CRACD: variants seen among roughly 807,000 people sequenced by gnomAD.
The protein encoded by CRACD is capping protein-inhibiting regulator of actin dynamics.
A neutral mutation model predicts 106.8 loss-of-function variants in CRACD; 56 were observed. That is an observed-to-expected ratio of 0.52 (90% CI 0.42 to 0.66). The LOEUF is 0.66. Among genes scored for constraint, CRACD ranks in the 30% least tolerant of loss-of-function variants. CRACD has a pLI of 0.00. For synonymous variants in CRACD, 754 were observed against 670.8 expected, an observed-to-expected ratio of 1.12 and a Z score of -1.92; for missense variants, 1,730 against 1,623.2, an observed-to-expected ratio of 1.07 and a Z score of -1.13.
In CRACD at chr4:56,319,795, C is replaced by G. The variant is rs1004934299; in HGVS notation, c.3187+3106C>G. On this transcript the variant is annotated intron_variant, in intron 8 of 10. Coordinates refer to ENST00000682029, the MANE Select transcript of CRACD (RefSeq NM_001393381.1). ...TTGCCAAGGCTGGGGCCAGTGAGGA[C>G]AAATATGTAGACTTGTAGGGTGTTG... Among the ~76,000 whole-genome samples the G allele has an allele frequency of 2.0e-5, 3 of 152,102 alleles. No individual in the cohort carries two copies. In the East Asian group the frequency reaches 5.8e-4, roughly 29 times the overall value.
At chr4:56,109,241 C>A (rs550148746) in intron 1 of CRACD, among the ~76,000 whole-genome samples, 179 of 152,278 alleles carry the variant, frequency 1.2e-3, no homozygotes, top group African/African-American at 4.1e-3. Flanking sequence ...AGTAATGCAA[C>A]GAAGAGTAAT....
intron 3 of CRACD, among the ~76,000 whole-genome samples, chr4:56,280,613 T>C (rs1285792426): frequency 6.6e-6 from 1 of 150,892 alleles, no homozygotes; most frequent in Non-Finnish European, 1.5e-5. Flanking sequence ...ACATAGCAGG[T>C]ATTCAGTAAG....
intron 2 of CRACD, among the ~76,000 whole-genome samples, chr4:56,188,139 TC>T (rs1737162703): frequency 6.6e-6 from 1 of 152,124 alleles, no homozygotes; most frequent in Non-Finnish European, 1.5e-5. Flanking sequence ...CAGAAAAACA[TC>T]CCCCAAAAGG....
chr4:56,242,389 C>T (rs1036937835), intron 2 of CRACD, among the ~76,000 whole-genome samples: 3 of 152,108 alleles, frequency 2.0e-5, no homozygotes, highest in Admixed American at 6.5e-5. Flanking sequence ...TCCAGTTTCA[C>T]GATAATAGAG....
At chr4:56,230,021 T>C (rs1577770581) in intron 2 of CRACD, among the ~76,000 whole-genome samples, 1 of 152,258 alleles carries the variant, frequency 6.6e-6, no homozygotes, top group Non-Finnish European at 1.5e-5. Flanking sequence ...CCCTGCACTA[T>C]GGATTTTCTG....
chr4:56,294,036 G>A (rs566589422), intron 3 of CRACD, among the ~76,000 whole-genome samples: 1 of 152,254 alleles, frequency 6.6e-6, no homozygotes, highest in East Asian at 1.9e-4. Flanking sequence ...GACCAGACTA[G>A]GGAAGATGGC....
chr4:56,286,187 G>A (rs1004405924), intron 3 of CRACD, among the ~76,000 whole-genome samples: 2 of 152,104 alleles, frequency 1.3e-5, no homozygotes, highest in Non-Finnish European at 2.9e-5. Flanking sequence ...GAGGCCAAGA[G>A]TTTGAGACCA....
chr4:56,079,589 G>C (rs914552062), intron 1 of CRACD, among the ~76,000 whole-genome samples: 1 of 151,820 alleles, frequency 6.6e-6, no homozygotes, highest in Non-Finnish European at 1.5e-5. Context: ...GGGACTACAG[G>C]TATGTGCCAT....
chr4:56,143,616 G>T (rs1735280026), intron 1 of CRACD, among the ~76,000 whole-genome samples: 1 of 151,808 alleles, frequency 6.6e-6, no homozygotes, highest in Non-Finnish European at 1.5e-5. Flanking sequence ...TTTCTTCTTA[G>T]GTTTCCTAAT....
At chr4:56,166,816 A>G (rs985703313) in intron 1 of CRACD, among the ~76,000 whole-genome samples, 2 of 152,226 alleles carry the variant, frequency 1.3e-5, no homozygotes, top group African/African-American at 4.8e-5. Context: ...GCAACATTGC[A>G]TGTAAAATAT....
chr4:56,315,070 G>A lies in CRACD; in HGVS notation c.1568G>A (p.Arg523Gln), dbSNP rs749775575. The change falls in exon 8 of 11, where the codon CGG becomes CAG. Residue 523 changes from arginine (R) to glutamine (Q), a missense_variant. Transcript: ENST00000682029. This position sits in a 1 kb window ranked among gnomAD's most constrained non-coding sequence, Gnocchi z 4.1. ...LEQGRKVEEL[R>Q]WQEVDERQTM... is the part of the protein sequence containing the mutation. ...CAAGGCCGCAAGGTGGAGGAGCTGC[G>A]GTGGCAGGAGGTGGACGAGAGACAG... 1.2e-6 allele frequency: 2 copies of A among 1,610,024 alleles called. No homozygotes were observed. The highest frequency in any genetic ancestry group is 1.7e-6 in the Non-Finnish European group (2 of 1,178,870).
At chr4:56,130,148 G>A (rs1335909031) in intron 1 of CRACD, among the ~76,000 whole-genome samples, 1 of 152,082 alleles carries the variant, frequency 6.6e-6, no homozygotes, top group Non-Finnish European at 1.5e-5. Flanking sequence ...GCACCCACCT[G>A]TAGTCCCAGC....
intron 2 of CRACD, among the ~76,000 whole-genome samples, chr4:56,236,092 CA>C (rs1464286802): frequency 6.6e-6 from 1 of 152,172 alleles, no homozygotes; most frequent in Non-Finnish European, 1.5e-5. Flanking sequence ...TTATTAAAAA[CA>C]GGGTCTTTAC....
intron 8 of CRACD, among the ~76,000 whole-genome samples, chr4:56,317,890 G>A (rs984930410): frequency 2.0e-5 from 3 of 152,016 alleles, no homozygotes; most frequent in Non-Finnish European, 4.4e-5. Context: ...AGTTGGATTA[G>A]CTTTTGTGCC....
At chr4:56,217,104 T>C (rs1738743169) in intron 2 of CRACD, among the ~76,000 whole-genome samples, 1 of 151,976 alleles carries the variant, frequency 6.6e-6, no homozygotes, top group Admixed American at 6.5e-5. Context: ...AAACCTGGAA[T>C]TGATTCCTGG....
intron 2 of CRACD, among the ~76,000 whole-genome samples, chr4:56,264,919 T>C (rs1184524372): frequency 9.8e-5 from 15 of 152,322 alleles, no homozygotes; most frequent in Middle Eastern, 3.4e-3. Flanking sequence ...AATATCTTCT[T>C]TCCTCCACGC....
intron 2 of CRACD, among the ~76,000 whole-genome samples, chr4:56,230,584 T>C (rs1031873207): frequency 4.6e-5 from 7 of 152,306 alleles, no homozygotes; most frequent in Non-Finnish European, 8.8e-5. Flanking sequence ...AATGAAGGGA[T>C]TGAACCTGAA....
chr4:56,109,493 A>G (rs906963404), intron 1 of CRACD, among the ~76,000 whole-genome samples: 9 of 152,288 alleles, frequency 5.9e-5, no homozygotes, highest in Non-Finnish European at 1.5e-5. Flanking sequence ...TGGATTCTGG[A>G]GCAGAAAAGG....
intron 1 of CRACD, among the ~76,000 whole-genome samples, chr4:56,121,539 G>C (rs1734483274): frequency 6.6e-6 from 1 of 152,078 alleles, no homozygotes; most frequent in Non-Finnish European, 1.5e-5. Context: ...AGCTACTCTA[G>C]AGGCTTAGGC....
Sources: allele counts gnomAD v4.1 joint callset (sites outside exome capture counted in the v4.1 genomes callset), GRCh38; gene constraint gnomAD v4.1.1; non-coding constraint Gnocchi (gnomAD v3.1); transcripts MANE v1.5; gene names NCBI Gene and HGNC (gene_info 2026-07-23, HGNC 2026-07-21).